SOX6: variants seen among roughly 807,000 people sequenced by gnomAD.
SOX6 encodes SRY-box transcription factor 6.
SOX6 carries 11 observed loss-of-function variants against 97.8 expected under a neutral mutation model. The observed-to-expected ratio is 0.11, with a 90% confidence interval of 0.07 to 0.19. The LOEUF is 0.19. Among genes scored for constraint, SOX6 ranks in the 10% least tolerant of loss-of-function variants. SOX6 has a pLI of 1.00. For missense variants in SOX6, 810 were observed against 1,039.5 expected, an observed-to-expected ratio of 0.78 and a Z score of 3.04; for synonymous variants, 360 against 371.4, an observed-to-expected ratio of 0.97 and a Z score of 0.35.
intron 1 of SOX6, among the ~76,000 whole-genome samples, chr11:16,373,902 A>C (rs1185629416): frequency 2.0e-5 from 2 of 101,356 alleles, no homozygotes; most frequent in Non-Finnish European, 3.8e-5. Flanking sequence ...GGAGGGAGGA[A>C]GGGAGGGAGA....
rs147310518 is a variant in SOX6 at position 16,197,731 on chromosome 11, G to C, written c.536-10776C>G. ...AAGATTATCTAATGTTTCCTATGTA[G>C]CATTCACAATATTCAGGGCACAGAA... On this transcript the variant is annotated intron_variant, in intron 4 of 15. Transcript: ENST00000683767. Among the ~76,000 whole-genome samples, 72 of 152,166 alleles carry C rather than the reference G, an allele frequency of 4.7e-4. 2 individuals carry two copies. The East Asian group carries it at 0.012, about 26-fold the overall frequency.
chr11:16,436,151 T>C (rs1170952214), intron 1 of SOX6, among the ~76,000 whole-genome samples: 4 of 152,246 alleles, frequency 2.6e-5, no homozygotes, highest in Admixed American at 6.5e-5. Flanking sequence ...TGGCACACGT[T>C]TACCTATGTA....
intron 15 of SOX6, among the ~76,000 whole-genome samples, chr11:15,980,401 C>T (rs1402319616): frequency 6.6e-6 from 1 of 152,016 alleles, no homozygotes; most frequent in African/African-American, 2.4e-5. Flanking sequence ...GAGGCCCCTT[C>T]TATGTTGCAA....
chr11:16,127,875 C>A (rs1055566801), intron 6 of SOX6, among the ~76,000 whole-genome samples: 5 of 152,210 alleles, frequency 3.3e-5, no homozygotes, highest in African/African-American at 9.6e-5. Context: ...ATGATATATG[C>A]CCAAAATATA....
chr11:16,082,010 T>C (rs1848482562), intron 9 of SOX6, among the ~76,000 whole-genome samples: 1 of 152,216 alleles, frequency 6.6e-6, no homozygotes, highest in Non-Finnish European at 1.5e-5. Flanking sequence ...ATGAATAGAC[T>C]TTCCTTTTTT....
At chr11:16,567,179 TG>T (rs1196966905) in intron 4 of SOX6, 1 of 152,264 alleles carries the variant, frequency 6.6e-6, no homozygotes, top group Admixed American at 6.5e-5. Flanking sequence ...TGAAAATGTG[TG>T]GTGGGCTTAT....
At chr11:16,582,449 C>G (rs1337607256) in intron 4 of SOX6, among the ~76,000 whole-genome samples, 1 of 151,952 alleles carries the variant, frequency 6.6e-6, no homozygotes, top group Non-Finnish European at 1.5e-5. Context: ...TTTTAATCAC[C>G]CTTTGTATCT....
intron 1 of SOX6, among the ~76,000 whole-genome samples, chr11:16,461,124 A>G (rs544352732): frequency 6.6e-6 from 1 of 152,198 alleles, no homozygotes; most frequent in Non-Finnish European, 1.5e-5. Context: ...TAGTACAATC[A>G]TTTCCCTCTG....
intron 4 of SOX6, among the ~76,000 whole-genome samples, chr11:16,227,420 A>G (rs1290217241): frequency 3.3e-5 from 5 of 151,684 alleles, no homozygotes. Context: ...ACAAATATTT[A>G]TTATTTCTGA....
intron 3 of SOX6, among the ~76,000 whole-genome samples, chr11:16,644,681 A>G (rs967858405): frequency 1.3e-5 from 2 of 152,200 alleles, no homozygotes; most frequent in African/African-American, 4.8e-5. Flanking sequence ...GTAATATTAT[A>G]TAATCAATTG....
At chr11:16,534,468 C>T (rs1419951278) in intron 4 of SOX6, among the ~76,000 whole-genome samples, 1 of 152,046 alleles carries the variant, frequency 6.6e-6, no homozygotes, top group Non-Finnish European at 1.5e-5. Flanking sequence ...CTTCCAAGTT[C>T]CCTCCAATTC....
intron 1 of SOX6, among the ~76,000 whole-genome samples, chr11:16,386,994 A>G (rs1019479510): frequency 3.9e-5 from 6 of 152,200 alleles, no homozygotes; most frequent in African/African-American, 1.4e-4. Context: ...AAAGGCATTC[A>G]TTAATAAACT....
intron 13 of SOX6, among the ~76,000 whole-genome samples, chr11:16,001,515 C>G (rs1854407905): frequency 6.6e-6 from 1 of 152,112 alleles, no homozygotes; most frequent in African/African-American, 2.4e-5. Flanking sequence ...TAGTACATCA[C>G]CCCTTCACCA....
chr11:16,421,910 G>A (rs746393112), intron 1 of SOX6, among the ~76,000 whole-genome samples: 7 of 152,128 alleles, frequency 4.6e-5, no homozygotes, highest in Non-Finnish European at 1.0e-4. Flanking sequence ...CATTAAAACA[G>A]AACCATTTGG....
At chr11:16,591,724 T>C (rs1848156097) in intron 4 of SOX6, among the ~76,000 whole-genome samples, 2 of 152,154 alleles carry the variant, frequency 1.3e-5, no homozygotes, top group African/African-American at 4.8e-5. Flanking sequence ...TTTGACCTCA[T>C]TGGCAAAAAC....
chr11:16,529,705 T>C (rs1456541310), intron 4 of SOX6, among the ~76,000 whole-genome samples: 3 of 152,102 alleles, frequency 2.0e-5, no homozygotes, highest in African/African-American at 2.4e-5. Flanking sequence ...ATGGAATTAA[T>C]TGGTGCATAA....
In SOX6 at chr11:16,197,877, A is replaced by G. The variant is rs558098914; in HGVS notation, c.536-10922T>C. Among the ~76,000 whole-genome samples, 200 of 152,334 alleles carry G rather than the reference A, an allele frequency of 1.3e-3. 1 individual carries two copies. Among genetic ancestry groups the G allele is most frequent in the African/African-American group, 4.7e-3 (196 of 41,580 alleles). On this transcript the variant is annotated intron_variant, in intron 4 of 15. Transcript: ENST00000683767. ...AGTAGAACATGAATAAAATTCTAAA[A>G]AGAAATTTCTAAGCCTCTACTTATA... is the stretch of plus-strand genomic sequence containing the variant.
At chr11:16,726,373 C>T (rs1165055335) in intron 2 of SOX6, among the ~76,000 whole-genome samples, 1 of 152,102 alleles carries the variant, frequency 6.6e-6, no homozygotes, top group Non-Finnish European at 1.5e-5. Context: ...GCTGAGATCA[C>T]GCCACTTCAC....
intron 3 of SOX6, among the ~76,000 whole-genome samples, chr11:16,680,318 A>G (rs902967124): frequency 7.9e-5 from 12 of 152,222 alleles, no homozygotes; most frequent in Admixed American, 7.8e-4. Flanking sequence ...ATTCTTAAAG[A>G]AAAGAATTTT....
Sources: gnomAD v4.1 joint callset for allele counts (sites outside exome capture counted in the v4.1 genomes callset) on GRCh38, gnomAD v4.1.1 for gene constraint, MANE v1.5 for transcripts, NCBI Gene and HGNC (gene_info 2026-07-23, HGNC 2026-07-21) for gene names.